Variants in KCNAB1 observed in about 807,000 individuals in gnomAD.
The protein encoded by KCNAB1 is voltage-gated potassium channel subunit beta-1.
KCNAB1 carries 35 observed loss-of-function variants against 64.6 expected under a neutral mutation model. The ratio of observed to expected loss-of-function variants is 0.54; its 90% confidence interval spans 0.41 to 0.72. The LOEUF is 0.72. KCNAB1 is among the 30% of genes least tolerant of loss of function. KCNAB1 has a pLI of 0.00. For synonymous variants in KCNAB1, 177 were observed against 183.8 expected (o/e 0.96, Z 0.30); for missense variants, 401 against 512.9 (o/e 0.78, Z 2.11).
At chr3:156,260,381 TCTCCTATC>T (rs144279899) in intron 1 of KCNAB1, among the ~76,000 whole-genome samples, 1,530 of 152,316 alleles carry the variant, frequency 0.01, 28 homozygotes, top group African/African-American at 0.035. Context: ...TTTATGATAT[TCTCCTATC>T]CTCAAAAAGT....
At chr3:156,449,395 C>T (rs9876870) in intron 2 of KCNAB1, among the ~76,000 whole-genome samples, 67,848 of 151,790 alleles carry the variant, frequency 0.45, 17,140 homozygotes, top group Admixed American at 0.62. Context: ...ATTTTGGAGT[C>T]GAGCCTAAAC....
chr3:156,460,562 C>G (rs765567101), intron 5 of KCNAB1: 1 of 152,304 alleles, frequency 6.6e-6, no homozygotes, highest in Non-Finnish European at 1.5e-5. Context: ...CACTACTTCC[C>G]CAGCACGAGT....
intron 1 of KCNAB1, among the ~76,000 whole-genome samples, chr3:156,360,342 C>A (rs555794421): frequency 6.6e-6 from 1 of 152,266 alleles, no homozygotes; most frequent in East Asian, 1.9e-4. Flanking sequence ...ACCATCCCAA[C>A]CTAGCCTGCC....
chr3:156,374,035 C>A (rs1464292992), intron 1 of KCNAB1, among the ~76,000 whole-genome samples: 1 of 152,204 alleles, frequency 6.6e-6, no homozygotes, highest in African/African-American at 2.4e-5. Context: ...ACAAGTCGTT[C>A]AATCTCTCTA....
At chr3:156,272,711 A>G (rs1719108337) in intron 1 of KCNAB1, among the ~76,000 whole-genome samples, 1 of 151,980 alleles carries the variant, frequency 6.6e-6, no homozygotes, top group Non-Finnish European at 1.5e-5. Context: ...CACTGTCGCC[A>G]AGCTGGTACC....
intron 12 of KCNAB1, among the ~76,000 whole-genome samples, chr3:156,529,037 T>C (rs1300870354): frequency 6.6e-6 from 1 of 152,042 alleles, no homozygotes; most frequent in Non-Finnish European, 1.5e-5. Context: ...GGTGAGGGCC[T>C]GAGTGAGGGC....
rs115885970 is a variant in KCNAB1, at chr3:156,362,392, A to G, written c.276-59224A>G. Among the ~76,000 whole-genome samples, 1,021 of 152,360 alleles carry G rather than the reference A, an allele frequency of 6.7e-3. 13 individuals carry two copies. The highest frequency in any genetic ancestry group is 0.024 in the African/African-American group (996 of 41,580). ...ATGTGAACTTGATCAACATCTGATT[A>G]AGTATCACAACTGTATATCACTGCT... is the stretch of plus-strand genomic sequence containing the variant. On this transcript the variant is annotated intron_variant, in intron 1 of 13. Coordinates refer to ENST00000490337, the MANE Select transcript of KCNAB1 (RefSeq NM_172160.3).
At chr3:156,388,321 C>G (rs545071858) in intron 1 of KCNAB1, among the ~76,000 whole-genome samples, 2 of 152,146 alleles carry the variant, frequency 1.3e-5, no homozygotes, top group Non-Finnish European at 2.9e-5. Flanking sequence ...TTCAGAGTTC[C>G]TGGAAGGTTG....
chr3:156,288,947 CTTCCT>C (rs762876109), intron 1 of KCNAB1, among the ~76,000 whole-genome samples: 8 of 152,168 alleles, frequency 5.3e-5, no homozygotes, highest in African/African-American at 9.7e-5. Flanking sequence ...CTTCCTCCCT[CTTCCT>C]TTCTTTGTTT....
intron 1 of KCNAB1, among the ~76,000 whole-genome samples, chr3:156,241,862 G>T (rs1219454589): frequency 6.6e-6 from 1 of 152,114 alleles, no homozygotes; most frequent in Non-Finnish European, 1.5e-5. Flanking sequence ...AAAACCTTGT[G>T]TGTCTGAAAA....
intron 11 of KCNAB1, among the ~76,000 whole-genome samples, chr3:156,516,585 T>C (rs1432474806): frequency 6.6e-6 from 1 of 152,252 alleles, no homozygotes; most frequent in East Asian, 1.9e-4. Flanking sequence ...ATTCTCTTCT[T>C]CTGGGGACTA....
At chr3:156,300,318 A>C (rs946049574) in intron 1 of KCNAB1, among the ~76,000 whole-genome samples, 1 of 152,226 alleles carries the variant, frequency 6.6e-6, no homozygotes. Context: ...TGAGCTAACT[A>C]TAATTTTCTG....
At chr3:156,530,250 A>G (rs187676787) in intron 12 of KCNAB1, among the ~76,000 whole-genome samples, 4 of 152,284 alleles carry the variant, frequency 2.6e-5, no homozygotes, top group South Asian at 2.1e-4. Context: ...CAAAAAGGAG[A>G]TATCTCCAAG....
intron 8 of KCNAB1, among the ~76,000 whole-genome samples, chr3:156,505,774 T>A (rs1221367884): frequency 6.6e-6 from 1 of 152,120 alleles, no homozygotes; most frequent in Non-Finnish European, 1.5e-5. Context: ...GGTGAGGGCC[T>A]CAGGGAGCTT....
chr3:156,261,921 T>C (rs1288719513), intron 1 of KCNAB1, among the ~76,000 whole-genome samples: 1 of 152,006 alleles, frequency 6.6e-6, no homozygotes, highest in African/African-American at 2.4e-5. Flanking sequence ...GTAATCAGTA[T>C]GCAAAATTTG....
At chr3:156,528,255 A>C (rs1245780733) in intron 12 of KCNAB1, among the ~76,000 whole-genome samples, 5 of 152,142 alleles carry the variant, frequency 3.3e-5, no homozygotes, top group Non-Finnish European at 5.9e-5. Context: ...GTGGAAATTC[A>C]GTGATTACCA....
At position 156,471,111 on chromosome 3, in the gene KCNAB1, G is replaced by C. The variant is rs139759850; in HGVS notation, c.572-3623G>C. ...CAAGTGCGTGGTAGGTGTAAAAGGT[G>C]ACAACACAGCATGCTTAAATAGAAC... On this transcript the variant is annotated intron_variant, in intron 7 of 13. Transcript: ENST00000490337. Among the ~76,000 whole-genome samples, 5 of 152,300 alleles carry C rather than the reference G, an allele frequency of 3.3e-5. No homozygotes were observed. In the East Asian group the frequency reaches 9.6e-4, roughly 29 times the overall value.
intron 8 of KCNAB1, among the ~76,000 whole-genome samples, chr3:156,507,234 C>G (rs1048485350): frequency 6.6e-6 from 1 of 152,194 alleles, no homozygotes; most frequent in African/African-American, 2.4e-5. Flanking sequence ...CCCACCTAAA[C>G]AGTTACTGTC....
chr3:156,465,622 T>C (rs1713310066), intron 6 of KCNAB1, 21 bp from the exon 7 acceptor site: 2 of 1,609,498 alleles, frequency 1.2e-6, no homozygotes, highest in Non-Finnish European at 8.5e-7. Flanking sequence ...TTCAAAGTTA[T>C]TTGCTTCTTT....
Sources: allele counts gnomAD v4.1 joint callset (sites outside exome capture counted in the v4.1 genomes callset), GRCh38; gene constraint gnomAD v4.1.1; transcripts MANE v1.5; gene names NCBI Gene and HGNC (gene_info 2026-07-23, HGNC 2026-07-21).